The following RAD51D variants were observed in gnomAD, a reference collection of about 807,000 sequenced individuals.
RAD51D encodes the protein DNA repair protein RAD51 homolog 4.
A neutral mutation model predicts 44.1 loss-of-function variants in RAD51D; 38 were observed. The ratio of observed to expected loss-of-function variants is 0.86; its 90% CI spans 0.67 to 1.13. RAD51D has a LOEUF of 1.13. Among genes scored for constraint, RAD51D ranks in the 50% most tolerant of loss-of-function variants. The probability of loss-of-function intolerance (pLI) is 0.00; values close to 1 mark genes in which losing one functional copy is unlikely to be tolerated. For synonymous variants in RAD51D, 141 were observed against 166.6 expected (o/e 0.85, Z 1.18); for missense variants, 390 against 414.0 (o/e 0.94, Z 0.50).
chr17:35,107,794 C>T (rs372939231), intron 3 of RAD51D, among the ~76,000 whole-genome samples: 7 of 140,444 alleles, frequency 5.0e-5, no homozygotes, highest in African/African-American at 1.9e-4. Flanking sequence ...TTGTCCAGGC[C>T]GGAGTGCTGG....
Position 35,100,813 on chromosome 17 carries a change from G to C in RAD51D, c.*140C>G. The C allele has an allele frequency of 1.3e-6, 1 of 755,010 alleles. No individual in the cohort carries two copies. The allele number at this position is 755,010 out of a possible 1,614,324, so 46.8% of individuals were successfully genotyped here. On this transcript the variant is annotated 3_prime_UTR_variant, in exon 10 of 10. Coordinates refer to ENST00000345365, the MANE Select transcript of RAD51D (RefSeq NM_002878.4). ...TATGCTTACAGAGAGTGAGGCCAAG[G>C]AACCCAAGATGTCTCTTCTGGCCAG... is the stretch of plus-strand genomic sequence containing the variant.
intron 3 of RAD51D, chr17:35,116,932 G>C: frequency 6.2e-7 from 1 of 1,612,658 alleles, no homozygotes; most frequent in South Asian, 1.1e-5. Flanking sequence ...CCATGCCCAA[G>C]TCCTGCCTTC....
Position 35,097,520 on chromosome 17 carries a change from T to C in RAD51D, c.*3433A>G, listed in dbSNP as rs1377138043. Reference sequence around the variant, plus strand: ...GTATATGTGTGTGTGTGTGTGTGTATATATATATATATATGTATATGTATA... The same window carrying C: ...GTATATGTGTGTGTGTGTGTGTGTACATATATATATATATGTATATGTATA... On this transcript the variant is annotated 3_prime_UTR_variant, in exon 10 of 10. Transcript: ENST00000345365. 1 of 140,862 alleles carries C rather than the reference T, an allele frequency of 7.1e-6. No individual in the cohort carries two copies. The highest frequency in any genetic ancestry group is 1.5e-5 in the Non-Finnish European group (1 of 66,446). The allele number at this position is 140,862 out of a possible 1,614,324, so 8.7% of individuals were successfully genotyped here.
chr17:35,107,885 G>A (rs936674505), intron 3 of RAD51D, among the ~76,000 whole-genome samples: 1 of 150,630 alleles, frequency 6.6e-6, no homozygotes, highest in African/African-American at 2.4e-5. Flanking sequence ...CTCCCGAGTA[G>A]CTGGGACTAC....
In RAD51D at chr17:35,097,724, T is replaced by C. The variant is rs2091497331; in HGVS notation, c.*3229A>G. 6.6e-6 allele frequency: 1 copy of C among 152,000 alleles called. No homozygotes were observed. The highest frequency in any genetic ancestry group is 1.5e-5 in the Non-Finnish European group (1 of 68,026). The allele number at this position is 152,000 out of a possible 1,614,324, so 9.4% of individuals were successfully genotyped here. A position where few individuals can be genotyped will look rare whatever the true frequency, so the allele number is the denominator to read the frequency against. ...TTTAATCATTACTGAGCTTCCATAATGTATAAAGAGAAAAAGTGACAAAAA... is the reference window on the plus strand; with the variant it reads ...TTTAATCATTACTGAGCTTCCATAACGTATAAAGAGAAAAAGTGACAAAAA... On this transcript the variant is annotated 3_prime_UTR_variant, in exon 10 of 10. Transcript: ENST00000345365.
intron 3 of RAD51D, among the ~76,000 whole-genome samples, chr17:35,112,869 C>A (rs1345336048): frequency 1.3e-5 from 2 of 152,134 alleles, no homozygotes; most frequent in African/African-American, 4.8e-5. Context: ...GGGTCCGATC[C>A]CTGTCGCATC....
At position 35,119,579 on chromosome 17, in the gene RAD51D, A is replaced by T. The variant is rs2142480636; in HGVS notation, c.35T>A (p.Leu12His). 6.2e-7 allele frequency: 1 copy of T among 1,612,656 alleles called. No individual in the cohort carries two copies. The highest frequency in any genetic ancestry group is 8.5e-7 in the Non-Finnish European group (1 of 1,179,922). ...GVLRVGLCPG[L>H]TEEMIQLLRS... The stretch of plus-strand genomic sequence containing the variant: ...GAGAAGCTGGATCATCTCCTCGGTA[A>T]GGCCAGGGCACAGTCCGACCCTGAG... The change falls in exon 1 of 10, where the codon CTT (leucine) becomes CAT (histidine). Residue 12 changes from leucine (L) to histidine (H), a missense_variant. By Grantham distance (99) the Leu-to-His change is moderately conservative. Coordinates refer to ENST00000345365, the MANE Select transcript of RAD51D (RefSeq NM_002878.4).
chr17:35,102,381 T>A (rs1305316705), intron 8 of RAD51D, among the ~76,000 whole-genome samples: 1 of 152,166 alleles, frequency 6.6e-6, no homozygotes, highest in African/African-American at 2.4e-5. Flanking sequence ...GCTCAAGTGA[T>A]CCACCAGCCT....
rs1467398256 is a variant in RAD51D at position 35,092,815 on chromosome 17, G to A, written c.*8138C>T. ...AGGGTGCTAACCCTAATTTTTCTAT[G>A]GGAGGTTACTCTTCAAGGGATTTAC... On this transcript the variant is annotated 3_prime_UTR_variant, in exon 10 of 10. Coordinates refer to ENST00000345365, the MANE Select transcript of RAD51D (RefSeq NM_002878.4). 6.6e-6 allele frequency: 1 copy of A among 152,050 alleles called. No homozygotes were observed. The highest frequency in any genetic ancestry group is 2.4e-5 in the African/African-American group (1 of 41,372). The allele number at this position is 152,050 out of a possible 1,614,324, so 9.4% of individuals were successfully genotyped here.
chr17:35,103,602 G>T lies in RAD51D; in HGVS notation c.577-58C>A. ...TGTCAGCCTCTAGGACACATTACAG[G>T]ACAAGCTTGCTTTTCTATCTAAAAC... On this transcript the variant is annotated intron_variant, in intron 6 of 9. Coordinates refer to ENST00000345365, the MANE Select transcript of RAD51D (RefSeq NM_002878.4). This position sits in a 1 kb window ranked among gnomAD's most constrained non-coding sequence, Gnocchi z 4.1. 1 of 1,373,000 alleles carries T rather than the reference G, an allele frequency of 7.3e-7. No homozygotes were observed. Among genetic ancestry groups the T allele is most frequent in the Non-Finnish European group, 1.0e-6 (1 of 964,330 alleles). The allele number at this position is 1,373,000 out of a possible 1,614,324, so 85.1% of individuals were successfully genotyped here.
chr17:35,118,096 C>T (rs951411995), intron 3 of RAD51D, among the ~76,000 whole-genome samples: 35 of 152,142 alleles, frequency 2.3e-4, no homozygotes, highest in African/African-American at 8.2e-4. Context: ...ATACTGACAG[C>T]TTGTGTTATA....
At chr17:35,111,563 C>A (rs1234338595) in intron 3 of RAD51D, among the ~76,000 whole-genome samples, 1 of 150,836 alleles carries the variant, frequency 6.6e-6, no homozygotes, top group Non-Finnish European at 1.5e-5. Flanking sequence ...AAGACTCTGT[C>A]TCAAAAAAAA....
chr17:35,113,560 T>C (rs893134104), intron 3 of RAD51D: 18 of 445,684 alleles, frequency 4.0e-5, no homozygotes, highest in Non-Finnish European at 6.3e-5. Context: ...TGAGCCACCG[T>C]GCCTGGCCCC....
chr17:35,116,954 C>T (rs1311618852), intron 3 of RAD51D: 2 of 1,613,848 alleles, frequency 1.2e-6, no homozygotes, highest in East Asian at 2.2e-5. Flanking sequence ...TCAGAGCATT[C>T]CTGACCCCAC....
In RAD51D at chr17:35,100,969, T is replaced by A. The variant is rs2091527352; in HGVS notation, c.971A>T (p.Gln324Leu). 1.2e-6 allele frequency: 2 copies of A among 1,613,100 alleles called. No individual in the cohort carries two copies. The highest frequency in any genetic ancestry group is 2.2e-5 in the South Asian group (2 of 91,060). The change falls in exon 10 of 10, where the codon CAG (glutamine) becomes CTG (leucine). Residue 324 changes from glutamine to leucine, a missense_variant. Physicochemically the swap from Gln to Leu is moderately radical, Grantham distance 113. Coordinates refer to ENST00000345365, the MANE Select transcript of RAD51D (RefSeq NM_002878.4). ...CAGCACAGGTCATGTCTGATCACCC[T>A]GTAATGTGGCACTCTGCTCTGAGGT... ...WGTSEQSATL[Q>L]GDQT
chr17:35,110,986 T>A (rs2091667789), intron 3 of RAD51D, among the ~76,000 whole-genome samples: 2 of 151,698 alleles, frequency 1.3e-5, no homozygotes, highest in South Asian at 4.2e-4. Context: ...GCACCTGTAA[T>A]CCCAGCTACC....
At chr17:35,106,222 T>G in intron 6 of RAD51D, 164 bp downstream of exon 6, 1 of 752,414 alleles carries the variant, frequency 1.3e-6, no homozygotes, top group South Asian at 1.4e-5. Flanking sequence ...CAATGAGGTA[T>G]GTGATTTAGG....
intron 3 of RAD51D, among the ~76,000 whole-genome samples, chr17:35,114,153 T>G (rs1005925418): frequency 6.6e-6 from 1 of 152,072 alleles, no homozygotes; most frequent in African/African-American, 2.4e-5. Flanking sequence ...GCGCCTGTAG[T>G]CCCAGCTACT....
chr17:35,117,509 TGA>T (rs944174623), intron 3 of RAD51D, among the ~76,000 whole-genome samples: 4 of 152,184 alleles, frequency 2.6e-5, no homozygotes, highest in African/African-American at 7.2e-5. Context: ...TCCTTTTTTT[TGA>T]GAGAGTCTCG....
Sources: allele counts gnomAD v4.1 joint callset (sites outside exome capture counted in the v4.1 genomes callset), GRCh38; gene constraint gnomAD v4.1.1; non-coding constraint Gnocchi (gnomAD v3.1); transcripts MANE v1.5; gene names NCBI Gene and HGNC (gene_info 2026-07-23, HGNC 2026-07-21).